The following PRKCA variants were observed in gnomAD, a reference collection of about 807,000 sequenced individuals.
PRKCA encodes protein kinase C alpha type.
A neutral mutation model predicts 87.0 loss-of-function variants in PRKCA; 27 were observed. The observed-to-expected ratio is 0.31, with a 90% CI of 0.23 to 0.43. PRKCA has a LOEUF of 0.43. PRKCA is among the 20% of genes least tolerant of loss of function. The pLI is 1.00. For missense variants in PRKCA, 518 were observed against 852.3 expected (o/e 0.61, Z 4.88); for synonymous variants, 329 against 311.1 (o/e 1.06, Z -0.61).
Position 66,389,869 on chromosome 17 carries a change from G to A in PRKCA, c.205+83742G>A, listed in dbSNP as rs557918197. On this transcript the variant is annotated intron_variant, in intron 2 of 16. Coordinates refer to ENST00000413366, the MANE Select transcript of PRKCA (RefSeq NM_002737.3). ...GGCTTTGCCCATGCAAAATGCACAC[G>A]AATAATGGCTTACCCACTTGCAAAT... 1.4e-4 allele frequency among the ~76,000 whole-genome samples: 22 copies of A among 152,360 alleles called. No homozygotes were observed. The South Asian group carries it at 4.6e-3, about 32-fold the overall frequency.
At chr17:66,492,200 T>A (rs900141334) in intron 2 of PRKCA, among the ~76,000 whole-genome samples, 2 of 152,110 alleles carry the variant, frequency 1.3e-5, no homozygotes, top group Non-Finnish European at 2.9e-5. Flanking sequence ...ATGGGAAGCT[T>A]TCGTGTAAGG....
chr17:66,567,569 A>G (rs1206252820), intron 3 of PRKCA, among the ~76,000 whole-genome samples: 1 of 152,160 alleles, frequency 6.6e-6, no homozygotes, highest in South Asian at 2.1e-4. Flanking sequence ...AGCAGTTTTT[A>G]GTGTTTTGGT....
intron 5 of PRKCA, among the ~76,000 whole-genome samples, chr17:66,666,302 A>T (rs1430680665): frequency 8.5e-5 from 13 of 152,212 alleles, no homozygotes; most frequent in Non-Finnish European, 1.9e-4. Flanking sequence ...ACTAAGGTTT[A>T]ACATTCATCT....
At chr17:66,770,186 C>T (rs1340022504) in intron 13 of PRKCA, among the ~76,000 whole-genome samples, 2 of 152,198 alleles carry the variant, frequency 1.3e-5, no homozygotes, top group African/African-American at 4.8e-5. Flanking sequence ...TGTGTAAGTT[C>T]ATTTGTTCAT....
intron 2 of PRKCA, among the ~76,000 whole-genome samples, chr17:66,342,048 C>T (rs1007590458): frequency 1.3e-5 from 2 of 152,184 alleles, no homozygotes; most frequent in African/African-American, 4.8e-5. Context: ...GCACCTGCTG[C>T]ACACAGACAC....
chr17:66,587,041 C>T (rs1969617808), intron 3 of PRKCA, among the ~76,000 whole-genome samples: 1 of 152,160 alleles, frequency 6.6e-6, no homozygotes, highest in Non-Finnish European at 1.5e-5. Flanking sequence ...TGGTTAGTGT[C>T]TACTCAGAAA....
At chr17:66,427,750 A>G (rs962989125) in intron 2 of PRKCA, among the ~76,000 whole-genome samples, 2 of 152,184 alleles carry the variant, frequency 1.3e-5, no homozygotes, top group Non-Finnish European at 2.9e-5. Flanking sequence ...TGCAATTTCA[A>G]TGTGGTGGTG....
chr17:66,783,502 A>T (rs983897548), intron 14 of PRKCA, among the ~76,000 whole-genome samples: 4 of 152,206 alleles, frequency 2.6e-5, no homozygotes, highest in African/African-American at 9.7e-5. Context: ...AATCCCTGAT[A>T]CAGCCATTCA....
intron 8 of PRKCA, among the ~76,000 whole-genome samples, chr17:66,705,631 C>A (rs986021942): frequency 1.3e-5 from 2 of 152,110 alleles, no homozygotes; most frequent in Non-Finnish European, 2.9e-5. Context: ...ATCACACAAG[C>A]CTGTTATTAA....
At chr17:66,757,936 A>C (rs1051673426) in intron 13 of PRKCA, among the ~76,000 whole-genome samples, 1 of 152,206 alleles carries the variant, frequency 6.6e-6, no homozygotes, top group Non-Finnish European at 1.5e-5. Context: ...TGTGTTAGCC[A>C]GGATGGTCTC....
intron 5 of PRKCA, 24 bp downstream of exon 5, chr17:66,645,535 A>C: frequency 6.2e-7 from 1 of 1,613,804 alleles, no homozygotes; most frequent in Non-Finnish European, 8.5e-7. Context: ...ATCCCGGAGC[A>C]GCATCGTGGG....
chr17:66,422,413 T>TA (rs1267139328), intron 2 of PRKCA, among the ~76,000 whole-genome samples: 1 of 152,210 alleles, frequency 6.6e-6, no homozygotes, highest in Non-Finnish European at 1.5e-5. Context: ...ACTGTATCCC[T>TA]AGCACCTAGA....
intron 8 of PRKCA, among the ~76,000 whole-genome samples, chr17:66,723,877 C>T (rs187659057): frequency 3.3e-5 from 5 of 152,220 alleles, no homozygotes; most frequent in East Asian, 3.9e-4. Flanking sequence ...AGATTTGATC[C>T]GAGCTCTTTG....
chr17:66,393,787 C>G (rs994455722), intron 2 of PRKCA, among the ~76,000 whole-genome samples: 1 of 152,030 alleles, frequency 6.6e-6, no homozygotes, highest in African/African-American at 2.4e-5. Context: ...AAAGAGGATA[C>G]CTTTGGCTGG....
intron 2 of PRKCA, among the ~76,000 whole-genome samples, chr17:66,451,859 G>T (rs566136217): frequency 1.1e-4 from 17 of 152,298 alleles, no homozygotes; most frequent in African/African-American, 3.1e-4. Context: ...TAACTCTAGG[G>T]TGATCTCTAA....
At chr17:66,523,251 G>A (rs2144228995) in intron 3 of PRKCA, among the ~76,000 whole-genome samples, 1 of 152,136 alleles carries the variant, frequency 6.6e-6, no homozygotes, top group South Asian at 2.1e-4. Flanking sequence ...GAATCACCTG[G>A]GATACTTTCC....
intron 2 of PRKCA, among the ~76,000 whole-genome samples, chr17:66,482,106 A>AG (rs1448399989): frequency 6.6e-6 from 1 of 150,986 alleles, no homozygotes; most frequent in African/African-American, 2.4e-5. Flanking sequence ...CTCAAAAAAA[A>AG]AAAAAAAAAA....
intron 2 of PRKCA, among the ~76,000 whole-genome samples, chr17:66,440,338 A>G (rs1913667523): frequency 6.6e-6 from 1 of 152,214 alleles, no homozygotes; most frequent in South Asian, 2.1e-4. Context: ...TGCCTAACGT[A>G]TAGCCAATGT....
At chr17:66,762,557 T>C (rs775355762) in intron 13 of PRKCA, among the ~76,000 whole-genome samples, 1 of 151,872 alleles carries the variant, frequency 6.6e-6, no homozygotes, top group Non-Finnish European at 1.5e-5. Flanking sequence ...TGGAAAGGAG[T>C]TTAATTAGGA....
Sources: allele counts gnomAD v4.1 joint callset (sites outside exome capture counted in the v4.1 genomes callset), GRCh38; gene constraint gnomAD v4.1.1; transcripts MANE v1.5; gene names NCBI Gene and HGNC (gene_info 2026-07-23, HGNC 2026-07-21).